Variants in HSPG2 observed in about 807,000 individuals in gnomAD.
HSPG2 encodes the protein heparan sulfate proteoglycan 2, also known as basement membrane-specific heparan sulfate proteoglycan core protein.
HSPG2 carries 278 observed loss-of-function variants against 526.6 expected under a neutral mutation model. That is an observed-to-expected ratio of 0.53 (90% confidence interval 0.48 to 0.58). HSPG2 has a LOEUF of 0.58. HSPG2 is among the 20% of genes least tolerant of loss of function. The pLI, the probability that HSPG2 is intolerant of heterozygous loss-of-function variation, is 0.00. For missense variants in HSPG2, 5,354 were observed against 6,099.5 expected (o/e 0.88, Z 4.07); for synonymous variants, 2,465 against 2,555.4 (o/e 0.96, Z 1.07).
Position 21,831,799 on chromosome 1 carries a change from G to T in HSPG2, c.11208-3C>A, listed in dbSNP as rs1472882759. 1.3e-6 allele frequency: 2 copies of T among 1,596,052 alleles called. No individual in the cohort carries two copies. The highest frequency in any genetic ancestry group is 2.7e-5 in the African/African-American group (2 of 74,668). ...CCATGCCTGAGCCTGCATCGAACCT[G>T]CTCCGTGGGGCAGGCCGGGGCAGGA... On this transcript the variant is annotated splice_polypyrimidine_tract_variant and splice_region_variant and intron_variant, in intron 81 of 96. Transcript: ENST00000374695.
chr1:21,874,536 G>A lies in HSPG2; in HGVS notation c.3529-3C>T, dbSNP rs1241943140. The A allele has an allele frequency of 2.5e-6, 4 of 1,613,646 alleles. No homozygotes were observed. In the Admixed American group the frequency reaches 5.0e-5, roughly 20 times the overall value. ...CCCTCCGTGTGATGCTGGCAGCCCT[G>A]GAGGAGCAGGATGTGAGTTGAGGCT... On this transcript the variant is annotated splice_region_variant and splice_polypyrimidine_tract_variant and intron_variant, in intron 27 of 96. Coordinates refer to ENST00000374695, the MANE Select transcript of HSPG2 (RefSeq NM_005529.7).
At position 21,860,415 on chromosome 1, in the gene HSPG2, G is replaced by C. The variant is rs569704543; in HGVS notation, c.4956-180C>G. Among the ~76,000 whole-genome samples the C allele has an allele frequency of 2.0e-5, 3 of 152,324 alleles. No individual in the cohort carries two copies. In the East Asian group the frequency reaches 5.8e-4, roughly 29 times the overall value. On this transcript the variant is annotated intron_variant, in intron 39 of 96. Transcript: ENST00000374695. ...CAGGGTGCTGGTGAACTGAGAAAGG[G>C]GAGTGTAAGGGAGTGTTAGCAGGTT...
At chr1:21,854,087 C>T in intron 50 of HSPG2, 106 bp downstream of exon 50, 2 of 1,292,144 alleles carry the variant, frequency 1.5e-6, no homozygotes, top group Non-Finnish European at 1.1e-6. Flanking sequence ...AGGGTCAAAG[C>T]CTGCCTGGAA....
Position 21,832,515 on chromosome 1 carries a change from C to A in HSPG2, c.11187G>T (p.Val3729=), listed in dbSNP as rs2229487. The stretch of plus-strand genomic sequence containing the variant: ...CTCACCGGAACTCGGGCCTTCCCCC[C>A]ACGAGGCCGAAGGAGATGAAGTCGG... ...RQPDFISFGL[V]GGRPEFRFDA... The change falls in exon 81 of 97, where the codon GTG becomes GTT. Residue 3729 remains valine (V), a synonymous_variant. Coordinates refer to ENST00000374695, the MANE Select transcript of HSPG2 (RefSeq NM_005529.7). The A allele has an allele frequency of 0.17, 279,725 of 1,613,824 alleles. 25,687 individuals are homozygous for A. The highest frequency in any genetic ancestry group is 0.26 in the South Asian group (23,519 of 91,082).
intron 1 of HSPG2, among the ~76,000 whole-genome samples, chr1:21,901,079 A>G (rs1272934587): frequency 1.3e-5 from 2 of 152,046 alleles, no homozygotes; most frequent in African/African-American, 4.8e-5. Flanking sequence ...CACATGCTCT[A>G]TGTCACCTTC....
chr1:21,846,486 A>T lies in HSPG2; in HGVS notation c.8278T>A (p.Trp2760Arg). 6.2e-7 allele frequency: 1 copy of T among 1,613,670 alleles called. No individual in the cohort carries two copies. The highest frequency in any genetic ancestry group is 1.1e-5 in the South Asian group (1 of 91,086). The part of the protein sequence containing the change: ...VPGQAHAQVT[W>R]HKRGGSLPSH... ...GGGAGGCTGCCCCCACGCTTGTGCC[A>T]AGTGACCTGGGCATGGGCCTGCCCG... Residue 2760 changes from tryptophan to arginine, a missense_variant, in exon 63 of 97, where the codon TGG (tryptophan) becomes AGG (arginine). Transcript: ENST00000374695.
intron 1 of HSPG2, among the ~76,000 whole-genome samples, chr1:21,903,933 T>C (rs922812986): frequency 6.6e-6 from 1 of 152,240 alleles, no homozygotes; most frequent in Non-Finnish European, 1.5e-5. Context: ...CGGGCCACCC[T>C]GGCCATATTC....
At position 21,842,343 on chromosome 1, in the gene HSPG2, G is replaced by A; in HGVS notation, c.8948C>T (p.Pro2983Leu). The change falls in exon 68 of 97, where the codon CCT (proline) becomes CTT (leucine). Residue 2983 changes from proline (P) to leucine (L), a missense_variant. By Grantham distance (98) the Pro-to-Leu change is moderately conservative. Transcript: ENST00000374695. ...GSQLRLHLVS[P>L]ADSGEYVCRA... ...ACACACATACTCGCCTGAGTCGGCAGGGGAGACGAGGTGGAGCCGCAGCTG... is the reference window on the plus strand; with the variant it reads ...ACACACATACTCGCCTGAGTCGGCAAGGGAGACGAGGTGGAGCCGCAGCTG... The A allele has an allele frequency of 6.2e-7, 1 of 1,610,886 alleles. No individual in the cohort carries two copies.
intron 1 of HSPG2, among the ~76,000 whole-genome samples, 186 bp downstream of exon 1, chr1:21,936,968 CT>C (rs1644504474): frequency 6.6e-6 from 1 of 152,018 alleles, no homozygotes; most frequent in Non-Finnish European, 1.5e-5. Context: ...GGTGGCCCCC[CT>C]GGATTAGCCC....
intron 74 of HSPG2, among the ~76,000 whole-genome samples, chr1:21,837,878 G>A (rs921505239): frequency 6.6e-6 from 1 of 152,128 alleles, no homozygotes; most frequent in Non-Finnish European, 1.5e-5. Context: ...GCTCACGCCG[G>A]TAATCCCAGC....
chr1:21,846,191 C>A lies in HSPG2; in HGVS notation c.8381G>T (p.Arg2794Leu). 1 of 1,613,108 alleles carries A rather than the reference C, an allele frequency of 6.2e-7. No individual in the cohort carries two copies. The highest frequency in any genetic ancestry group is 8.5e-7 in the Non-Finnish European group (1 of 1,180,026). Reference protein sequence around the residue: ...SPADSGEYVCRVMGSSGPLEA... With the variant: ...SPADSGEYVCLVMGSSGPLEA... ...CAGGGGGCCAGAGCTGCCCATCACC[C>A]GGCACACGTATTCACCCGAGTCGGC... The change falls in exon 64 of 97, where the codon CGG (arginine) becomes CTG (leucine). Residue 2794 changes from arginine to leucine, a missense_variant. By Grantham distance (102) the Arg-to-Leu change is moderately radical. Coordinates refer to ENST00000374695, the MANE Select transcript of HSPG2 (RefSeq NM_005529.7).
At position 21,823,455 on chromosome 1, in the gene HSPG2, C is replaced by T. The variant is rs748956430; in HGVS notation, c.13037G>A (p.Gly4346Asp). 70 of 1,594,368 alleles carry T rather than the reference C, an allele frequency of 4.4e-5. No homozygotes were observed. Among genetic ancestry groups the T allele is most frequent in the Non-Finnish European group, 5.3e-5 (62 of 1,174,636 alleles). The change falls in exon 97 of 97, where the codon GGC (glycine) becomes GAC (aspartate). Residue 4346 changes from glycine to aspartate, a missense_variant. Coordinates refer to ENST00000374695, the MANE Select transcript of HSPG2 (RefSeq NM_005529.7). ...GCCTGTGATGCCTGAGGAGAATCTG[C>T]CCCCGGTCAGCGTGGCCACGTCAGG... ...GAPDVATLTG[G>D]RFSSGITGCV...
At chr1:21,894,439 C>G (rs1642600982) in intron 3 of HSPG2, among the ~76,000 whole-genome samples, 1 of 152,230 alleles carries the variant, frequency 6.6e-6, no homozygotes, top group East Asian at 1.9e-4. Flanking sequence ...TGGCATTCAG[C>G]CCAGCTGCCT....
At chr1:21,932,651 G>T (rs1276453158) in intron 1 of HSPG2, among the ~76,000 whole-genome samples, 1 of 152,228 alleles carries the variant, frequency 6.6e-6, no homozygotes, top group Non-Finnish European at 1.5e-5. Context: ...ATTATGGGAA[G>T]AGTGGTAAGG....
In HSPG2 at chr1:21,832,828, C is replaced by T. The variant is rs564395752; in HGVS notation, c.11096-222G>A. On this transcript the variant is annotated intron_variant, in intron 80 of 96. Transcript: ENST00000374695. ...CTAGAAAGAAACTGAATTTGCTTCA[C>T]ACACACTGGAGTCTCCCTCAAGGGG... 5 of 597,232 alleles carry T rather than the reference C, an allele frequency of 8.4e-6. No homozygotes were observed. In the African/African-American group the frequency reaches 9.3e-5, roughly 11 times the overall value. 37.0% of individuals were successfully genotyped at this position (597,232 alleles called of 1,614,324 possible).
chr1:21,925,108 G>A (rs932904463), intron 1 of HSPG2, among the ~76,000 whole-genome samples: 4 of 152,180 alleles, frequency 2.6e-5, no homozygotes, highest in Non-Finnish European at 4.4e-5. Flanking sequence ...CTTCCTCTGC[G>A]CCTGACTATT....
intron 6 of HSPG2, chr1:21,888,843 G>T: frequency 1.9e-6 from 1 of 530,986 alleles, no homozygotes; most frequent in Non-Finnish European, 3.0e-6. Flanking sequence ...GAGGAGGGCT[G>T]GACCCCCAGC....
At position 21,839,922 on chromosome 1, in the gene HSPG2, G is replaced by A. The variant is rs1221026403; in HGVS notation, c.9609C>T (p.Asp3203=). The A allele has an allele frequency of 6.2e-7, 1 of 1,614,148 alleles. No individual in the cohort carries two copies. The highest frequency in any genetic ancestry group is 1.3e-5 in the African/African-American group (1 of 75,040). ...GGGCCCCTGGGGCCATGGCGCCCGT[G>A]TCCACGATCACCTCCACCTGCTTCT... is the stretch of plus-strand genomic sequence containing the variant. ...TAQKQVEVIV[D]TGAMAPGAPQ... is the part of the protein sequence containing the mutation. The change falls in exon 72 of 97, where the codon GAC becomes GAT. Residue 3203 remains aspartate, a synonymous_variant. Coordinates refer to ENST00000374695, the MANE Select transcript of HSPG2 (RefSeq NM_005529.7). This position sits in a 1 kb window ranked among gnomAD's most constrained non-coding sequence, Gnocchi z 4.5.
Position 21,904,573 on chromosome 1 carries a change from G to A in HSPG2, c.64-8263C>T, listed in dbSNP as rs1386568843. 6.6e-6 allele frequency among the ~76,000 whole-genome samples: 1 copy of A among 152,182 alleles called. No individual in the cohort carries two copies. The highest frequency in any genetic ancestry group is 2.4e-5 in the African/African-American group (1 of 41,450). On this transcript the variant is annotated intron_variant, in intron 1 of 96. Transcript: ENST00000374695. The surrounding 1 kb of genome is among the most constrained non-coding windows in gnomAD (Gnocchi z 4.4). ...CCTCCGTCCCCCACAGACACCCCAA[G>A]ATTAGGTCTCCCCTGGTGGCTGAAT... is the stretch of plus-strand genomic sequence containing the variant.
Sources: allele counts gnomAD v4.1 joint callset (sites outside exome capture counted in the v4.1 genomes callset), GRCh38; gene constraint gnomAD v4.1.1; non-coding constraint Gnocchi (gnomAD v3.1); transcripts MANE v1.5; gene names NCBI Gene and HGNC (gene_info 2026-07-23, HGNC 2026-07-21).